Variants in HMGCLL1 observed in about 807,000 individuals in gnomAD.
HMGCLL1 encodes 3-hydroxymethyl-3-methylglutaryl-CoA lyase, cytoplasmic.
In HMGCLL1, 36 loss-of-function variants were observed where a neutral mutation model predicts 39.1. The observed-to-expected ratio is 0.92, with a 90% CI of 0.71 to 1.22. The LOEUF (loss-of-function observed/expected upper bound fraction) is 1.22, where lower values mean the gene tolerates loss of function less well. Ranked by LOEUF, HMGCLL1 falls within the 50% of genes most tolerant of loss-of-function variation. The pLI, the probability that HMGCLL1 is intolerant of heterozygous loss-of-function variation, is 0.00. For synonymous variants in HMGCLL1, 149 were observed against 144.0 expected, an observed-to-expected ratio of 1.03 and a Z score of -0.25; for missense variants, 451 against 416.5, an observed-to-expected ratio of 1.08 and a Z score of -0.72.
the HMGCLL1 span, among the ~76,000 whole-genome samples, chr6:55,614,952 G>A: frequency 4.0e-5 from 6 of 151,884 alleles, no homozygotes; most frequent in Non-Finnish European, 8.8e-5. Context: ...AGCAGCGTGA[G>A]CAGTATAACA....
intron 7 of HMGCLL1, among the ~76,000 whole-genome samples, chr6:55,488,591 T>C (rs1029967417): frequency 7.9e-5 from 12 of 152,056 alleles, no homozygotes; most frequent in Non-Finnish European, 1.0e-4. Flanking sequence ...AAATAATTTA[T>C]ATTGTATATT....
the HMGCLL1 span, among the ~76,000 whole-genome samples, chr6:55,668,952 G>A: frequency 1.3e-5 from 2 of 151,546 alleles, no homozygotes; most frequent in African/African-American, 2.4e-5. Context: ...TCTTCAAAAG[G>A]GTGAGGACTA....
the HMGCLL1 span, among the ~76,000 whole-genome samples, chr6:55,640,134 A>G: frequency 6.6e-5 from 10 of 151,978 alleles, no homozygotes; most frequent in African/African-American, 2.4e-4. Context: ...GAGAAAGTGG[A>G]TAAGAAGAGG....
chr6:55,471,357 A>G (rs889718087), intron 7 of HMGCLL1, among the ~76,000 whole-genome samples: 1 of 151,754 alleles, frequency 6.6e-6, no homozygotes, highest in African/African-American at 2.4e-5. Flanking sequence ...TTTTATCATT[A>G]TAAACAATTC....
chr6:55,524,252 GTA>G (rs1370637891), intron 3 of HMGCLL1, among the ~76,000 whole-genome samples: 3 of 151,368 alleles, frequency 2.0e-5, no homozygotes, highest in African/African-American at 7.3e-5. Context: ...AACAAAGAAT[GTA>G]TAGTCACAAA....
At chr6:55,570,928 C>G (rs540761824) in intron 1 of HMGCLL1, among the ~76,000 whole-genome samples, 1 of 152,258 alleles carries the variant, frequency 6.6e-6, no homozygotes, top group Non-Finnish European at 1.5e-5. Context: ...TCTTACATGG[C>G]GGCAGGCGAG....
At chr6:55,553,457 G>T (rs1418237454) in intron 1 of HMGCLL1, among the ~76,000 whole-genome samples, 1 of 151,790 alleles carries the variant, frequency 6.6e-6, no homozygotes, top group South Asian at 2.1e-4. Context: ...AAAAATGATG[G>T]TATAGTAGGG....
At chr6:55,624,276 G>A in the HMGCLL1 span, among the ~76,000 whole-genome samples, 1 of 152,136 alleles carries the variant, frequency 6.6e-6, no homozygotes, top group South Asian at 2.1e-4. Context: ...TTGGAGAATG[G>A]CACTGGATTA....
In HMGCLL1 at chr6:55,445,033, T is replaced by A. The variant is rs1296553305; in HGVS notation, c.796-5474A>T. On this transcript the variant is annotated intron_variant, in intron 7 of 8. Transcript: ENST00000274901. ...TTAATTGACTCAGTTCTAAATGCAA[T>A]ATGTGGATTTAAAGTTTAAGCAATT... 2.6e-5 allele frequency among the ~76,000 whole-genome samples: 4 copies of A among 151,982 alleles called. No homozygotes were observed. The East Asian group carries it at 7.7e-4, about 29-fold the overall frequency.
At chr6:55,650,812 G>T in the HMGCLL1 span, among the ~76,000 whole-genome samples, 2 of 151,936 alleles carry the variant, frequency 1.3e-5, no homozygotes, top group African/African-American at 4.8e-5. Context: ...TCTCCCTATG[G>T]CTTCCACCAC....
At chr6:55,512,804 A>C (rs2127435348) in intron 5 of HMGCLL1, 1 of 152,164 alleles carries the variant, frequency 6.6e-6, no homozygotes, top group East Asian at 1.9e-4. Flanking sequence ...TACAGCCTGC[A>C]CCCAAATCCA....
intron 1 of HMGCLL1, among the ~76,000 whole-genome samples, chr6:55,571,832 T>C (rs1581964387): frequency 6.6e-6 from 1 of 151,850 alleles, no homozygotes; most frequent in East Asian, 1.9e-4. Flanking sequence ...TAAAAAATAA[T>C]AGATCAAACA....
intron 5 of HMGCLL1, among the ~76,000 whole-genome samples, chr6:55,510,721 G>A (rs921151706): frequency 6.6e-6 from 1 of 150,946 alleles, no homozygotes; most frequent in African/African-American, 2.4e-5. Flanking sequence ...CAGCACACCA[G>A]CATGGCACAT....
intron 1 of HMGCLL1, among the ~76,000 whole-genome samples, chr6:55,553,202 C>CACAT (rs1554158788): frequency 0.042 from 6,294 of 148,454 alleles, 252 homozygotes; most frequent in African/African-American, 0.1. Flanking sequence ...CACACACACA[C>CACAT]ATACACACAC....
chr6:55,449,990 T>C (rs1416687035), intron 7 of HMGCLL1, among the ~76,000 whole-genome samples: 1 of 152,196 alleles, frequency 6.6e-6, no homozygotes, highest in Non-Finnish European at 1.5e-5. Flanking sequence ...TGATCTCATC[T>C]TGACTTATTC....
chr6:55,544,605 C>T (rs1769849759), intron 1 of HMGCLL1, among the ~76,000 whole-genome samples: 1 of 152,052 alleles, frequency 6.6e-6, no homozygotes, highest in Non-Finnish European at 1.5e-5. Flanking sequence ...GGTAAGGTGG[C>T]TGTTTTGAAT....
At position 55,516,537 on chromosome 6, in the gene HMGCLL1, T is replaced by A. The variant is rs1266472069; in HGVS notation, c.364A>T (p.Thr122Ser). 1 of 1,598,824 alleles carries A rather than the reference T, an allele frequency of 6.3e-7. No individual in the cohort carries two copies. The highest frequency in any genetic ancestry group is 2.2e-5 in the East Asian group (1 of 44,736). Residue 122 changes from threonine to serine, a missense_variant, in exon 4 of 9, where the codon ACT (threonine) becomes TCT (serine). By Grantham distance (58) the Thr-to-Ser change is moderately conservative (BLOSUM62 1). Coordinates refer to ENST00000274901, the MANE Select transcript of HMGCLL1 (RefSeq NM_001042406.2). ...TGGTGAAAACCCTGAAGATTAGGAG[T>A]AAGGACAGGATAGCGAACTCCTGGA... is the stretch of plus-strand genomic sequence containing the variant. ...QYPGVRYPVL[T>S]PNLQGFHHAV... is the part of the protein sequence containing the mutation.
intron 3 of HMGCLL1, among the ~76,000 whole-genome samples, chr6:55,535,933 T>C (rs746767124): frequency 2.6e-5 from 4 of 152,158 alleles, no homozygotes; most frequent in Non-Finnish European, 4.4e-5. Context: ...CTCTTTTCCA[T>C]ACCTACCTTC....
In HMGCLL1 at chr6:55,579,060, G is replaced by C. The variant is rs375724070; in HGVS notation, c.-5C>G. 1.9e-6 allele frequency: 3 copies of C among 1,599,984 alleles called. No homozygotes were observed. The highest frequency in any genetic ancestry group is 2.7e-5 in the African/African-American group (2 of 74,638). On this transcript the variant is annotated 5_prime_UTR_variant, in exon 1 of 9. Coordinates refer to ENST00000274901, the MANE Select transcript of HMGCLL1 (RefSeq NM_001042406.2). The stretch of plus-strand genomic sequence containing the variant: ...CGCGGATGGCACATTCCCCATGGCG[G>C]AGCCTGGGGCGGCAGTCGGCGAGGG...
Sources: gnomAD v4.1 joint callset for allele counts (sites outside exome capture counted in the v4.1 genomes callset) on GRCh38, gnomAD v4.1.1 for gene constraint, MANE v1.5 for transcripts, NCBI Gene and HGNC (gene_info 2026-07-23, HGNC 2026-07-21) for gene names.